The following STPG2 variants were observed in gnomAD, a reference collection of about 807,000 sequenced individuals.
STPG2 encodes sperm tail PG-rich repeat containing 2.
Under a neutral mutation model 54.2 loss-of-function variants are expected in STPG2, and 56 were observed. The observed-to-expected ratio is 1.03, with a 90% CI of 0.83 to 1.29. The LOEUF (loss-of-function observed/expected upper bound fraction) is 1.29, where lower values mean the gene tolerates loss of function less well. Among genes scored for constraint, STPG2 ranks in the 50% most tolerant of loss-of-function variants. The probability of loss-of-function intolerance (pLI) is 0.00; values close to 1 mark genes in which losing one functional copy is unlikely to be tolerated. For synonymous variants in STPG2, 200 were observed against 181.8 expected (o/e 1.10, Z -0.81); for missense variants, 596 against 544.9 (o/e 1.09, Z -0.93).
intron 10 of STPG2, among the ~76,000 whole-genome samples, chr4:97,562,534 A>T (rs1578389945): frequency 6.6e-6 from 1 of 152,174 alleles, no homozygotes; most frequent in East Asian, 1.9e-4. Flanking sequence ...TTCAAAGGGA[A>T]TGCTTGCAGT....
At chr4:98,058,217 C>A (rs1158060103) in intron 5 of STPG2, among the ~76,000 whole-genome samples, 1 of 152,058 alleles carries the variant, frequency 6.6e-6, no homozygotes, top group Non-Finnish European at 1.5e-5. Context: ...CATAAACTAA[C>A]CTTGAATATA....
chr4:97,760,360 T>C (rs1436601130), intron 9 of STPG2, among the ~76,000 whole-genome samples: 7 of 152,192 alleles, frequency 4.6e-5, no homozygotes, highest in Non-Finnish European at 7.3e-5. Context: ...CACTGTGCTA[T>C]AAGTACCTTT....
intron 4 of STPG2, among the ~76,000 whole-genome samples, chr4:97,442,226 TG>T (rs1229746353): frequency 1.3e-5 from 2 of 149,614 alleles, no homozygotes; most frequent in South Asian, 2.2e-4. Flanking sequence ...TGTTTTTTTT[TG>T]TTTTTTTTTT....
intron 8 of STPG2, among the ~76,000 whole-genome samples, chr4:97,939,500 A>G (rs1486819261): frequency 1.3e-5 from 2 of 152,202 alleles, no homozygotes; most frequent in African/African-American, 2.4e-5. Context: ...GGGTGCATAT[A>G]TATTTAGAAT....
At chr4:98,050,771 TG>T (rs1214310819) in intron 5 of STPG2, among the ~76,000 whole-genome samples, 1 of 152,074 alleles carries the variant, frequency 6.6e-6, no homozygotes, top group Non-Finnish European at 1.5e-5. Flanking sequence ...TTTGGGAGGT[TG>T]AGGCGGGTGG....
intron 10 of STPG2, among the ~76,000 whole-genome samples, chr4:97,580,440 A>G (rs1223919887): frequency 1.3e-5 from 2 of 151,940 alleles, no homozygotes; most frequent in African/African-American, 4.8e-5. Context: ...TCTCCTACTT[A>G]TTTACTTGAT....
chr4:97,783,496 C>A (rs1726719845), intron 9 of STPG2, among the ~76,000 whole-genome samples: 1 of 152,152 alleles, frequency 6.6e-6, no homozygotes, highest in Admixed American at 6.5e-5. Context: ...ACTAGTTCAA[C>A]CATTGTGGAA....
intron 8 of STPG2, among the ~76,000 whole-genome samples, chr4:97,915,072 G>T (rs1340448491): frequency 1.3e-5 from 2 of 152,082 alleles, no homozygotes; most frequent in East Asian, 3.9e-4. Flanking sequence ...AGATATTTGG[G>T]TGTTTCCAGG....
intron 10 of STPG2, among the ~76,000 whole-genome samples, chr4:97,646,336 C>T (rs1055094985): frequency 5.9e-5 from 9 of 152,124 alleles, no homozygotes; most frequent in African/African-American, 2.2e-4. Flanking sequence ...GTTATCTTCT[C>T]ATTATCAGTC....
chr4:97,695,024 G>C (rs1723520943), intron 10 of STPG2, among the ~76,000 whole-genome samples: 1 of 150,018 alleles, frequency 6.7e-6, no homozygotes, highest in Non-Finnish European at 1.5e-5. Context: ...AACCATGAAA[G>C]GACATAACAA....
intron 5 of STPG2, among the ~76,000 whole-genome samples, chr4:98,085,843 G>T (rs1028191523): frequency 1.3e-5 from 2 of 151,816 alleles, no homozygotes. Flanking sequence ...CTATAATATG[G>T]GTTCTTCAAG....
At chr4:97,994,522 A>G (rs1735136814) in intron 5 of STPG2, among the ~76,000 whole-genome samples, 1 of 152,070 alleles carries the variant, frequency 6.6e-6, no homozygotes, top group Non-Finnish European at 1.5e-5. Flanking sequence ...TGCCTCCCCT[A>G]TCCCCTAGGG....
At chr4:97,675,818 A>T (rs1722820179) in intron 10 of STPG2, among the ~76,000 whole-genome samples, 1 of 151,230 alleles carries the variant, frequency 6.6e-6, no homozygotes, top group South Asian at 2.1e-4. Context: ...ATAGGGTCCC[A>T]ACAATTAAAT....
intron 5 of STPG2, among the ~76,000 whole-genome samples, chr4:98,028,424 T>C (rs1360532769): frequency 6.6e-6 from 1 of 152,274 alleles, no homozygotes; most frequent in East Asian, 1.9e-4. Context: ...TTCCACATAA[T>C]TATGTAGGAC....
At chr4:97,728,399 C>G (rs1390505228) in intron 9 of STPG2, among the ~76,000 whole-genome samples, 1 of 152,020 alleles carries the variant, frequency 6.6e-6, no homozygotes, top group South Asian at 2.1e-4. Context: ...TTTACCTTTA[C>G]TAGTATTTTT....
intron 9 of STPG2, among the ~76,000 whole-genome samples, chr4:97,721,000 T>A (rs564236216): frequency 6.6e-6 from 1 of 152,180 alleles, no homozygotes; most frequent in African/African-American, 2.4e-5. Context: ...TATTTTTAAC[T>A]AGAAATCATC....
At chr4:97,764,131 CACACACACACAG>C in intron 9 of STPG2, among the ~76,000 whole-genome samples, 1 of 151,366 alleles carries the variant, frequency 6.6e-6, no homozygotes, top group African/African-American at 2.4e-5. Context: ...CACACACACA[CACACACACACAG>C]AGGCACAGAC....
chr4:98,034,899 A>G (rs1332172873), intron 5 of STPG2, among the ~76,000 whole-genome samples: 1 of 152,228 alleles, frequency 6.6e-6, no homozygotes, highest in African/African-American at 2.4e-5. Flanking sequence ...AGCCATGTGC[A>G]GAAAGCTGAA....
chr4:97,569,113 T>G (rs1050875107), intron 10 of STPG2, among the ~76,000 whole-genome samples: 1 of 152,150 alleles, frequency 6.6e-6, no homozygotes, highest in Non-Finnish European at 1.5e-5. Context: ...TACTTGTAGT[T>G]ATTTCTTGAT....
Sources: gnomAD v4.1 joint callset for allele counts (sites outside exome capture counted in the v4.1 genomes callset) on GRCh38, gnomAD v4.1.1 for gene constraint, MANE v1.5 for transcripts, NCBI Gene and HGNC (gene_info 2026-07-23, HGNC 2026-07-21) for gene names.